Variants in PKNOX1 observed in about 807,000 individuals in gnomAD.
The protein encoded by PKNOX1 is PBX/knotted 1 homeobox 1, also known as homeobox protein PKNOX1.
PKNOX1 carries 15 observed loss-of-function variants against 51.9 expected under a neutral mutation model. The ratio of observed to expected loss-of-function variants is 0.29; its 90% CI spans 0.19 to 0.45. PKNOX1 has a LOEUF of 0.45. PKNOX1 is among the 20% of genes least tolerant of loss of function. The pLI, the probability that PKNOX1 is intolerant of heterozygous loss-of-function variation, is 1.00. For synonymous variants in PKNOX1, 219 were observed against 211.1 expected (o/e 1.04, Z -0.32); for missense variants, 462 against 547.5 (o/e 0.84, Z 1.56).
intron 1 of PKNOX1, among the ~76,000 whole-genome samples, chr21:42,975,582 G>A (rs1460727762): frequency 6.6e-6 from 1 of 152,232 alleles, no homozygotes; most frequent in Non-Finnish European, 1.5e-5. Flanking sequence ...CATCCTCGTG[G>A]CTCTCGAAAT....
chr21:42,999,281 C>G (rs1433182615), intron 1 of PKNOX1, among the ~76,000 whole-genome samples: 2 of 152,200 alleles, frequency 1.3e-5, no homozygotes, highest in African/African-American at 2.4e-5. Flanking sequence ...GCACACAGAA[C>G]AAGGACCCTG....
intron 1 of PKNOX1, among the ~76,000 whole-genome samples, chr21:42,979,498 T>C (rs1016431470): frequency 5.9e-5 from 9 of 151,936 alleles, no homozygotes; most frequent in Admixed American, 4.6e-4. Flanking sequence ...ATCCCAGCAC[T>C]TTGGGAGGCC....
At chr21:42,987,031 G>T (rs1672133) in intron 1 of PKNOX1, among the ~76,000 whole-genome samples, 135,914 of 151,888 alleles carry the variant, frequency 0.89, 60,937 homozygotes, top group Non-Finnish European at 0.91. Flanking sequence ...TTACATTACA[G>T]TACACAGGAT....
At chr21:42,991,402 A>G (rs1435233673) in intron 1 of PKNOX1, among the ~76,000 whole-genome samples, 2 of 152,044 alleles carry the variant, frequency 1.3e-5, no homozygotes, top group Admixed American at 6.6e-5. Context: ...GCTTAACTAT[A>G]CAGAGAGGAG....
chr21:43,008,061 T>TCTCTCACACA lies in PKNOX1; in HGVS notation c.179+444_179+445insTCTCACACAC, dbSNP rs59792199. 4.7e-3 allele frequency among the ~76,000 whole-genome samples: 683 copies of TCTCTCACACA among 146,856 alleles called. 5 individuals carry two copies. The highest frequency in any genetic ancestry group is 0.014 in the African/African-American group (530 of 38,426). ...CCTGGGCAACGAGAGCAAAACTCTGTCACACACACACACACACACACACAC... is the reference window on the plus strand; with the variant it reads ...CCTGGGCAACGAGAGCAAAACTCTGTCTCTCACACACACACACACACACACACACACACAC... On this transcript the variant is annotated intron_variant, in intron 3 of 10. Transcript: ENST00000291547.
intron 5 of PKNOX1, among the ~76,000 whole-genome samples, chr21:43,014,626 T>G (rs560572344): frequency 9.8e-5 from 15 of 152,352 alleles, no homozygotes; most frequent in African/African-American, 3.6e-4. Context: ...CTAAAAGTTT[T>G]TAAATAGAGA....
At chr21:43,000,680 A>T (rs937172583) in intron 1 of PKNOX1, among the ~76,000 whole-genome samples, 3 of 152,172 alleles carry the variant, frequency 2.0e-5, no homozygotes, top group Non-Finnish European at 4.4e-5. Flanking sequence ...TGAGCCCAGG[A>T]ATTCAAGACC....
At chr21:42,974,702 C>CGCT (rs976521437) in intron 1 of PKNOX1, 38 bp downstream of exon 1, 3 of 166,414 alleles carry the variant, frequency 1.8e-5, no homozygotes, top group African/African-American at 7.3e-5. Flanking sequence ...CCGCCGCCGC[C>CGCT]GCTCTCGCCG....
chr21:43,018,376 T>G (rs1483334831), intron 7 of PKNOX1, 146 bp downstream of exon 7: 2 of 592,600 alleles, frequency 3.4e-6, no homozygotes, highest in Non-Finnish European at 6.0e-6. Context: ...AGTGTTTTGT[T>G]TCTTTGTACT....
At chr21:43,026,817 G>A (rs966215203) in intron 9 of PKNOX1, among the ~76,000 whole-genome samples, 5 of 139,694 alleles carry the variant, frequency 3.6e-5, no homozygotes, top group Admixed American at 7.3e-5. Context: ...CCCAGGTCTC[G>A]CTGGGGTTGT....
chr21:43,014,103 A>G (rs1232595844), intron 5 of PKNOX1, among the ~76,000 whole-genome samples: 5 of 147,438 alleles, frequency 3.4e-5, no homozygotes, highest in East Asian at 4.0e-4. Flanking sequence ...CTTACTGCAA[A>G]CTCCGCCTCC....
chr21:43,003,285 C>T (rs561434390), intron 1 of PKNOX1, among the ~76,000 whole-genome samples: 1 of 152,232 alleles, frequency 6.6e-6, no homozygotes, highest in Non-Finnish European at 1.5e-5. Flanking sequence ...TGCTCTCCCC[C>T]ACTCTGCAGT....
intron 1 of PKNOX1, among the ~76,000 whole-genome samples, chr21:43,003,613 C>T (rs1428793437): frequency 2.6e-5 from 4 of 152,176 alleles, no homozygotes; most frequent in Admixed American, 1.3e-4. Flanking sequence ...GCAGCCCAGG[C>T]CCCCTCTCAC....
At chr21:43,003,759 T>A (rs1298515373) in intron 1 of PKNOX1, 1 of 152,550 alleles carries the variant, frequency 6.6e-6, no homozygotes, top group Non-Finnish European at 1.5e-5. Context: ...TGGGCAGGCA[T>A]TGACTTGATA....
rs1601292544 is a variant in PKNOX1, at chr21:43,010,881, T to A, written c.351+657T>A. ...TCTGTCTCAAAAAATAAAAATAAAATAAAATAAAATAAAATAATTTGAGCC... is the reference window on the plus strand; with the variant it reads ...TCTGTCTCAAAAAATAAAAATAAAAAAAAATAAAATAAAATAATTTGAGCC... On this transcript the variant is annotated intron_variant, in intron 4 of 10. Coordinates refer to ENST00000291547, the MANE Select transcript of PKNOX1 (RefSeq NM_004571.5). 4.0e-5 allele frequency among the ~76,000 whole-genome samples: 6 copies of A among 151,568 alleles called. 1 individual carries two copies. The highest frequency in any genetic ancestry group is 1.5e-4 in the African/African-American group (6 of 41,250).
At chr21:43,004,135 G>C in intron 1 of PKNOX1, 191 bp from the exon 2 acceptor site, 1 of 346,484 alleles carries the variant, frequency 2.9e-6, no homozygotes, top group Non-Finnish European at 5.5e-6. Context: ...TACTAGGGAG[G>C]CTGAGGCAGG....
intron 1 of PKNOX1, among the ~76,000 whole-genome samples, chr21:43,003,226 G>T (rs1978839684): frequency 6.6e-6 from 1 of 152,160 alleles, no homozygotes; most frequent in Non-Finnish European, 1.5e-5. Flanking sequence ...AAATGTCTGT[G>T]ACCTGCACCA....
chr21:42,976,048 C>T (rs2058995644), intron 1 of PKNOX1, among the ~76,000 whole-genome samples: 1 of 152,212 alleles, frequency 6.6e-6, no homozygotes, highest in Admixed American at 6.5e-5. Context: ...CATCACTCTG[C>T]TTAATTTACT....
chr21:43,019,252 A>G (rs1359705386), intron 7 of PKNOX1, among the ~76,000 whole-genome samples: 3 of 142,788 alleles, frequency 2.1e-5, no homozygotes, highest in Non-Finnish European at 4.6e-5. Flanking sequence ...AATTAGCTGG[A>G]TGTCGGGTGC....
Sources: allele counts gnomAD v4.1 joint callset (sites outside exome capture counted in the v4.1 genomes callset), GRCh38; gene constraint gnomAD v4.1.1; transcripts MANE v1.5; gene names NCBI Gene and HGNC (gene_info 2026-07-23, HGNC 2026-07-21).